The following CDKL3 variants were observed in gnomAD, a reference collection of about 807,000 sequenced individuals.
CDKL3 encodes cyclin-dependent kinase-like 3.
A neutral mutation model predicts 69.3 loss-of-function variants in CDKL3; 65 were observed. That is an observed-to-expected ratio of 0.94 (90% CI 0.77 to 1.15). The LOEUF (loss-of-function observed/expected upper bound fraction) is 1.15. Ranked by LOEUF, CDKL3 falls within the 50% of genes most tolerant of loss-of-function variation. CDKL3 has a pLI of 0.00. For missense variants in CDKL3, 652 were observed against 689.2 expected (o/e 0.95, Z 0.61); for synonymous variants, 202 against 221.6 (o/e 0.91, Z 0.79).
At position 134,298,573 on chromosome 5, in the gene CDKL3, A is replaced by G; in HGVS notation, c.*78T>C. The G allele has an allele frequency of 6.4e-7, 1 of 1,554,184 alleles. No individual in the cohort carries two copies. The highest frequency in any genetic ancestry group is 8.7e-7 in the Non-Finnish European group (1 of 1,153,078). ...GATGGCTGTCTTAACAACAACTCAC[A>G]TCACACTTCTATTGTAGATAAATAA... On this transcript the variant is annotated 3_prime_UTR_variant, in exon 13 of 13. Coordinates refer to ENST00000265334, the MANE Select transcript of CDKL3 (RefSeq NM_001113575.2).
intron 12 of CDKL3, chr5:134,302,232 G>A (rs1197468626): frequency 4.4e-6 from 2 of 458,192 alleles, no homozygotes; most frequent in Admixed American, 4.7e-5. Flanking sequence ...ACGAAGGAAG[G>A]AAGAGGCTTA....
intron 3 of CDKL3, among the ~76,000 whole-genome samples, chr5:134,354,541 T>C (rs1229192281): frequency 6.6e-6 from 1 of 152,192 alleles, no homozygotes; most frequent in Non-Finnish European, 1.5e-5. Flanking sequence ...TCAAAATATA[T>C]AAATCCTTTT....
At chr5:134,349,211 T>G (rs569576004) in intron 4 of CDKL3, among the ~76,000 whole-genome samples, 39 of 152,294 alleles carry the variant, frequency 2.6e-4, no homozygotes, top group African/African-American at 7.9e-4. Context: ...CCCATTAATA[T>G]TACATATTAT....
upstream of CDKL3, chr5:134,367,210 A>C (rs1489751386): frequency 1.0e-6 from 1 of 985,538 alleles, no homozygotes; most frequent in Non-Finnish European, 1.2e-6. Flanking sequence ...CAGGGTCCCG[A>C]CCCGGAAGGG....
At chr5:134,293,862 C>A (rs570102418), downstream of CDKL3, among the ~76,000 whole-genome samples, 36 of 151,984 alleles carry the variant, frequency 2.4e-4, no homozygotes, top group Middle Eastern at 3.4e-3. Flanking sequence ...TAATCCCAGC[C>A]TTTGAGAGGC....
intron 6 of CDKL3, among the ~76,000 whole-genome samples, chr5:134,318,075 C>T (rs996009259): frequency 1.3e-5 from 2 of 151,742 alleles, no homozygotes; most frequent in African/African-American, 4.8e-5. Context: ...CAAAATTAGC[C>T]AGGTGTGGTG....
intron 10 of CDKL3, among the ~76,000 whole-genome samples, chr5:134,306,076 G>T (rs185212744): frequency 7.9e-5 from 12 of 152,118 alleles, no homozygotes; most frequent in African/African-American, 2.9e-4. Flanking sequence ...CATAAATTAA[G>T]ATATATGAAC....
At chr5:134,312,662 T>C (rs961647634) in intron 6 of CDKL3, among the ~76,000 whole-genome samples, 4 of 152,232 alleles carry the variant, frequency 2.6e-5, no homozygotes, top group Non-Finnish European at 5.9e-5. Flanking sequence ...ATTAATTAGC[T>C]CATTTTGATC....
chr5:134,367,156 G>A lies in CDKL3; in HGVS notation c.-201C>T, dbSNP rs1180869183. The A allele has an allele frequency of 8.1e-6, 8 of 985,610 alleles. No individual in the cohort carries two copies. Among genetic ancestry groups the A allele is most frequent in the Non-Finnish European group, 9.6e-6 (8 of 830,182 alleles). The allele number at this position is 985,610 out of a possible 1,614,324, so 61.1% of individuals were successfully genotyped here. On this transcript the variant is annotated 5_prime_UTR_variant, in exon 1 of 13. Coordinates refer to ENST00000265334, the MANE Select transcript of CDKL3 (RefSeq NM_001113575.2). ...CACTTGCCACCATGGAAACGCCGGC[G>A]GAGTTGCTGCGTTCTAGACTCGTGC...
chr5:134,367,565 G>GT (rs1477030184), upstream of CDKL3, among the ~76,000 whole-genome samples: 1 of 151,420 alleles, frequency 6.6e-6, no homozygotes, highest in African/African-American at 2.4e-5. Flanking sequence ...TAGAGACGGG[G>GT]TTTCTACCAT....
At chr5:134,334,451 G>C (rs558716983) in intron 4 of CDKL3, among the ~76,000 whole-genome samples, 31 of 152,270 alleles carry the variant, frequency 2.0e-4, no homozygotes, top group African/African-American at 6.7e-4. Context: ...TGGGCACTTA[G>C]TGCTATAAAT....
chr5:134,335,632 G>C lies in CDKL3; in HGVS notation c.540-13729C>G, dbSNP rs146507294. Among the ~76,000 whole-genome samples, 1,475 of 152,214 alleles carry C rather than the reference G, an allele frequency of 9.7e-3. 13 individuals carry two copies. The highest frequency in any genetic ancestry group is 0.032 in the African/African-American group (1,311 of 41,532). Reference sequence around the variant, plus strand: ...CTGAGTTGAAAATTCTTTTCTATAAGAACGTTGAATATTGGCCCCCACTCT... The same window carrying C: ...CTGAGTTGAAAATTCTTTTCTATAACAACGTTGAATATTGGCCCCCACTCT... On this transcript the variant is annotated intron_variant, in intron 4 of 12. Coordinates refer to ENST00000265334, the MANE Select transcript of CDKL3 (RefSeq NM_001113575.2).
chr5:134,359,806 T>C (rs150317081), intron 3 of CDKL3, 91 bp downstream of exon 3: 2 of 848,328 alleles, frequency 2.4e-6, no homozygotes, highest in Non-Finnish European at 3.6e-6. Flanking sequence ...AGAAAAAGAA[T>C]GTTAGCCACC....
At chr5:134,285,369 A>G (rs1764819992), downstream of CDKL3, among the ~76,000 whole-genome samples, 2 of 152,192 alleles carry the variant, frequency 1.3e-5, no homozygotes, top group East Asian at 3.9e-4. Flanking sequence ...CCAAACCCCA[A>G]TTCTTGACTT....
At chr5:134,290,688 C>A (rs1268802288) in intron 8 of CDKL3, among the ~76,000 whole-genome samples, 1 of 151,912 alleles carries the variant, frequency 6.6e-6, no homozygotes, top group Non-Finnish European at 1.5e-5. Context: ...ATGACATCAT[C>A]TGATTTAAGT....
chr5:134,292,748 A>C (rs941007979), intron 8 of CDKL3, among the ~76,000 whole-genome samples: 8 of 152,056 alleles, frequency 5.3e-5, no homozygotes, highest in African/African-American at 1.9e-4. Context: ...AATAACAGGA[A>C]TGATAAAGGG....
At chr5:134,359,348 C>G (rs79460760) in intron 3 of CDKL3, among the ~76,000 whole-genome samples, 257 of 152,292 alleles carry the variant, frequency 1.7e-3, no homozygotes, top group African/African-American at 5.9e-3. Context: ...TAAACACTTA[C>G]AAGCCAATGC....
At chr5:134,320,606 T>C (rs535410031) in intron 5 of CDKL3, among the ~76,000 whole-genome samples, 27 of 152,076 alleles carry the variant, frequency 1.8e-4, no homozygotes, top group African/African-American at 6.3e-4. Flanking sequence ...CCGGGCGCGG[T>C]GGTTCATGCC....
intron 6 of CDKL3, among the ~76,000 whole-genome samples, chr5:134,315,386 C>T (rs942358487): frequency 6.6e-5 from 10 of 151,942 alleles, no homozygotes; most frequent in African/African-American, 1.5e-4. Context: ...GGATAGAGTG[C>T]GGTGCTGCAA....
Sources: gnomAD v4.1 joint callset for allele counts (sites outside exome capture counted in the v4.1 genomes callset) on GRCh38, gnomAD v4.1.1 for gene constraint, MANE v1.5 for transcripts, NCBI Gene and HGNC (gene_info 2026-07-23, HGNC 2026-07-21) for gene names.